Variants in SRPRA observed in about 807,000 individuals in gnomAD.
SRPRA encodes the protein SRP receptor subunit alpha, also known as signal recognition particle receptor subunit alpha.
A neutral mutation model predicts 61.1 loss-of-function variants in SRPRA; 30 were observed. The ratio of observed to expected loss-of-function variants is 0.49; its 90% CI spans 0.37 to 0.67. The LOEUF (loss-of-function observed/expected upper bound fraction) is 0.67. SRPRA is among the 30% of genes least tolerant of loss of function. The probability of loss-of-function intolerance (pLI) is 0.00; values close to 1 mark genes in which losing one functional copy is unlikely to be tolerated. For missense variants in SRPRA, 759 were observed against 828.4 expected (o/e 0.92, Z 1.03); for synonymous variants, 324 against 299.7 (o/e 1.08, Z -0.84).
chr11:126,247,178 G>A, the SRPRA span, among the ~76,000 whole-genome samples: 1 of 152,130 alleles, frequency 6.6e-6, no homozygotes, highest in Non-Finnish European at 1.5e-5. Flanking sequence ...TGTAGTCCTA[G>A]CCACTTGGGA....
At chr11:126,261,668 A>G (rs1003907272), downstream of SRPRA, among the ~76,000 whole-genome samples, 2 of 152,160 alleles carry the variant, frequency 1.3e-5, no homozygotes, top group African/African-American at 2.4e-5. Flanking sequence ...GTCTATTACA[A>G]TCTAGTGCAG....
At chr11:126,255,259 C>T in the SRPRA span, among the ~76,000 whole-genome samples, 11,983 of 152,236 alleles carry the variant, frequency 0.079, 586 homozygotes, top group South Asian at 0.14. This position sits in a 1 kb window ranked among gnomAD's most constrained non-coding sequence, Gnocchi z 4.6. Flanking sequence ...CAGAAGTATT[C>T]GCTGCCCCCA....
At chr11:126,268,600 T>A (rs1442223805) in intron 1 of SRPRA, 88 bp downstream of exon 1, 1 of 809,036 alleles carries the variant, frequency 1.2e-6, no homozygotes. Context: ...GCGGGGAGGG[T>A]GGGAGGAGGC....
downstream of SRPRA, among the ~76,000 whole-genome samples, chr11:126,258,183 G>T (rs1950610377): frequency 6.6e-6 from 1 of 152,060 alleles, no homozygotes; most frequent in Admixed American, 6.6e-5. Context: ...ATCACTTGAG[G>T]CCAGGAGTTC....
Position 126,264,898 on chromosome 11 carries a change from A to T in SRPRA, c.1525+61T>A. The T allele has an allele frequency of 6.7e-7, 1 of 1,496,200 alleles. No individual in the cohort carries two copies. The highest frequency in any genetic ancestry group is 2.0e-5 in the Admixed American group (1 of 49,744). 92.7% of individuals were successfully genotyped at this position (1,496,200 alleles called of 1,614,324 possible). Reference sequence around the variant, plus strand: ...ACAAGCCTGATCTTCTGCAAATTCCAAGAGAACCCAAGGAGAAAAAGGGAC... The same window carrying T: ...ACAAGCCTGATCTTCTGCAAATTCCTAGAGAACCCAAGGAGAAAAAGGGAC... On this transcript the variant is annotated intron_variant, in intron 11 of 13. Transcript: ENST00000332118. This position sits in a 1 kb window ranked among gnomAD's most constrained non-coding sequence, Gnocchi z 5.0.
At chr11:126,267,000 T>G in intron 4 of SRPRA, 78 bp from the exon 5 acceptor site, 1 of 1,553,628 alleles carries the variant, frequency 6.4e-7, no homozygotes, top group East Asian at 2.3e-5. Context: ...TCTTCCAAAT[T>G]GTTCAAAGGA....
chr11:126,259,424 ACTTT>A (rs1448077044), downstream of SRPRA, among the ~76,000 whole-genome samples: 1 of 140,458 alleles, frequency 7.1e-6, no homozygotes, highest in Non-Finnish European at 1.5e-5. Context: ...TCGTTGTGGT[ACTTT>A]TTTTTTTTTT....
chr11:126,253,652 C>T, the SRPRA span, among the ~76,000 whole-genome samples: 14 of 152,128 alleles, frequency 9.2e-5, no homozygotes, highest in Admixed American at 2.6e-4. This position sits in a 1 kb window ranked among gnomAD's most constrained non-coding sequence, Gnocchi z 5.1. Flanking sequence ...ATTTTTTCTG[C>T]TGATTTTTGC....
chr11:126,250,218 A>G, the SRPRA span, among the ~76,000 whole-genome samples: 1 of 151,790 alleles, frequency 6.6e-6, no homozygotes, highest in Non-Finnish European at 1.5e-5. This position sits in a 1 kb window ranked among gnomAD's most constrained non-coding sequence, Gnocchi z 5.1. Context: ...CAGCCTCCCA[A>G]GTAGCTGGGA....
chr11:126,247,958 GAC>G, the SRPRA span, among the ~76,000 whole-genome samples: 1 of 142,738 alleles, frequency 7.0e-6, no homozygotes, highest in Admixed American at 7.2e-5. Flanking sequence ...CTGACTCACA[GAC>G]ACACACTATC....
chr11:126,242,084 C>T, the SRPRA span, among the ~76,000 whole-genome samples: 1 of 148,296 alleles, frequency 6.7e-6, no homozygotes, highest in Non-Finnish European at 1.5e-5. Context: ...AATCTCCATA[C>T]ACTTTATAAA....
the SRPRA span, among the ~76,000 whole-genome samples, chr11:126,252,135 C>T: frequency 1.7e-3 from 259 of 152,028 alleles, no homozygotes; most frequent in African/African-American, 5.4e-3. The surrounding 1 kb of genome is among the most constrained non-coding windows in gnomAD (Gnocchi z 4.7). Context: ...TACAGGCACC[C>T]GCCATCACGT....
the SRPRA span, among the ~76,000 whole-genome samples, chr11:126,246,199 A>T: frequency 6.6e-6 from 1 of 152,136 alleles, no homozygotes; most frequent in Non-Finnish European, 1.5e-5. Flanking sequence ...AAGTATTGCG[A>T]TTATGTTTTT....
At position 126,267,479 on chromosome 11, in the gene SRPRA, T is replaced by C. The variant is rs1591539668; in HGVS notation, c.365+70A>G. The C allele has an allele frequency of 3.1e-6, 5 of 1,601,764 alleles. No individual in the cohort carries two copies. The East Asian group carries it at 8.9e-5, about 29-fold the overall frequency. ...TCTTTGAACACATCAATTTACCACC[T>C]TTGAACCACCTTCAGAGAGGTCATC... On this transcript the variant is annotated intron_variant, in intron 3 of 13. Coordinates refer to ENST00000332118, the MANE Select transcript of SRPRA (RefSeq NM_003139.4). This position sits in a 1 kb window ranked among gnomAD's most constrained non-coding sequence, Gnocchi z 4.2.
rs1488095467 is a variant in SRPRA, at chr11:126,267,908, C to A, written c.201+95G>T. On this transcript the variant is annotated intron_variant, in intron 2 of 13. Coordinates refer to ENST00000332118, the MANE Select transcript of SRPRA (RefSeq NM_003139.4). This position sits in a 1 kb window ranked among gnomAD's most constrained non-coding sequence, Gnocchi z 4.2. ...TCTACCTTTCTAGTTTTTTCAGTTA[C>A]GTCATCATATACACTGGCTGCAATT... is the stretch of plus-strand genomic sequence containing the variant. 3 of 1,446,848 alleles carry A rather than the reference C, an allele frequency of 2.1e-6. No homozygotes were observed. Among genetic ancestry groups the A allele is most frequent in the Middle Eastern group, 1.8e-4 (1 of 5,696 alleles). 89.6% of individuals were successfully genotyped at this position (1,446,848 alleles called of 1,614,324 possible). A position where few individuals can be genotyped will look rare whatever the true frequency, so the allele number is the denominator to read the frequency against.
intron 6 of SRPRA, 23 bp from the exon 7 acceptor site, chr11:126,266,301 G>A (rs752134081): frequency 2.9e-5 from 47 of 1,612,196 alleles, no homozygotes; most frequent in Admixed American, 1.3e-4. Flanking sequence ...GGGAAAGGAT[G>A]TGGGGTCAGG....
chr11:126,265,357 C>T lies in SRPRA; in HGVS notation c.1222G>A (p.Asp408Asn). 1 of 1,613,694 alleles carries T rather than the reference C, an allele frequency of 6.2e-7. No homozygotes were observed. Among genetic ancestry groups the T allele is most frequent in the South Asian group, 1.1e-5 (1 of 91,056 alleles). ...TGGCGACGCTGGGCATCCATGATGT[C>T]CCGGAGCATGTCTACACGACGCTGT... ...QPQRRVDMLR[D>N]IMDAQRRQRP... Residue 408 changes from aspartate (D) to asparagine (N), a missense_variant, in exon 10 of 14, where the codon GAC becomes AAC. Transcript: ENST00000332118. The surrounding 1 kb of genome is among the most constrained non-coding windows in gnomAD (Gnocchi z 6.3).
chr11:126,239,252 T>C, the SRPRA span, among the ~76,000 whole-genome samples: 132 of 152,250 alleles, frequency 8.7e-4, 2 homozygotes, highest in South Asian at 6.8e-3. Flanking sequence ...CATGAACCAC[T>C]GCACTTAGCC....
the SRPRA span, among the ~76,000 whole-genome samples, chr11:126,244,623 G>A: frequency 6.6e-6 from 1 of 152,134 alleles, no homozygotes; most frequent in Non-Finnish European, 1.5e-5. This position sits in a 1 kb window ranked among gnomAD's most constrained non-coding sequence, Gnocchi z 4.5. Flanking sequence ...GGCCAACATG[G>A]TGAAACCCCG....
Sources: allele counts gnomAD v4.1 joint callset (sites outside exome capture counted in the v4.1 genomes callset), GRCh38; gene constraint gnomAD v4.1.1; non-coding constraint Gnocchi (gnomAD v3.1); transcripts MANE v1.5; gene names NCBI Gene and HGNC (gene_info 2026-07-23, HGNC 2026-07-21).